Variants in CCDC171 observed in about 807,000 individuals in gnomAD.
The protein encoded by CCDC171 is coiled-coil domain-containing protein 171.
Under a neutral mutation model 168.2 loss-of-function variants are expected in CCDC171, and 177 were observed. That is an observed-to-expected ratio of 1.05 (90% confidence interval 0.93 to 1.19). The LOEUF is 1.19. Among genes scored for constraint, CCDC171 ranks in the 50% most tolerant of loss-of-function variants. The pLI, the probability that CCDC171 is intolerant of heterozygous loss-of-function variation, is 0.00. For synonymous variants in CCDC171, 687 were observed against 540.8 expected, an observed-to-expected ratio of 1.27 and a Z score of -3.75; for missense variants, 1,991 against 1,539.0, an observed-to-expected ratio of 1.29 and a Z score of -4.91.
intron 18 of CCDC171, among the ~76,000 whole-genome samples, chr9:15,754,757 C>G (rs1439201775): frequency 6.6e-6 from 1 of 152,078 alleles, no homozygotes; most frequent in Non-Finnish European, 1.5e-5. Context: ...TTACCTATCT[C>G]ATAGAGTTAT....
chr9:15,742,427 G>A (rs2054942829), intron 16 of CCDC171, among the ~76,000 whole-genome samples: 1 of 152,160 alleles, frequency 6.6e-6, no homozygotes, highest in Admixed American at 6.5e-5. Flanking sequence ...GCTGTTTTCT[G>A]CCTCTTCCTT....
At chr9:15,718,909 G>A (rs1588126760) in intron 11 of CCDC171, among the ~76,000 whole-genome samples, 2 of 152,134 alleles carry the variant, frequency 1.3e-5, no homozygotes, top group African/African-American at 2.4e-5. Flanking sequence ...TAACTAACTC[G>A]TCAATGCCCA....
intron 7 of CCDC171, among the ~76,000 whole-genome samples, chr9:15,641,040 G>A (rs1036455511): frequency 1.6e-4 from 25 of 151,952 alleles, no homozygotes; most frequent in African/African-American, 4.6e-4. Flanking sequence ...AATAAGCATC[G>A]TAGAATTAAT....
At chr9:15,858,679 A>AT (rs961854833) in intron 23 of CCDC171, among the ~76,000 whole-genome samples, 22 of 151,684 alleles carry the variant, frequency 1.5e-4, no homozygotes, top group South Asian at 6.2e-4. Flanking sequence ...TATAAGTGTG[A>AT]TTTTTTTTAG....
intron 3 of CCDC171, among the ~76,000 whole-genome samples, chr9:16,015,383 G>T (rs1832984048): frequency 6.6e-6 from 1 of 152,136 alleles, no homozygotes. Flanking sequence ...GACTGTTGTG[G>T]CTGGTTTAGT....
intron 6 of CCDC171, among the ~76,000 whole-genome samples, chr9:15,622,595 T>C (rs772881487): frequency 3.9e-5 from 6 of 152,230 alleles, no homozygotes; most frequent in Non-Finnish European, 8.8e-5. Context: ...GATTAGTTAC[T>C]GTGGAGAATG....
intron 6 of CCDC171, among the ~76,000 whole-genome samples, chr9:15,610,288 C>T (rs188085110): frequency 2.7e-5 from 4 of 150,142 alleles, no homozygotes; most frequent in Admixed American, 1.3e-4. Flanking sequence ...TGCAGTGGCT[C>T]GATCATGGCT....
At chr9:16,049,474 C>G (rs111809166) in intron 1 of CCDC171, among the ~76,000 whole-genome samples, 11 of 152,240 alleles carry the variant, frequency 7.2e-5, no homozygotes, top group African/African-American at 2.6e-4. Flanking sequence ...AGCCAGGAGC[C>G]TAAAGAGAAC....
intron 10 of CCDC171, among the ~76,000 whole-genome samples, chr9:15,691,739 A>C (rs2050812894): frequency 6.6e-6 from 1 of 151,992 alleles, no homozygotes; most frequent in African/African-American, 2.4e-5. Flanking sequence ...GTGCAGTGGC[A>C]CAATGATGCT....
intron 24 of CCDC171, among the ~76,000 whole-genome samples, chr9:15,881,728 T>A (rs891226848): frequency 6.6e-6 from 1 of 152,202 alleles, no homozygotes; most frequent in African/African-American, 2.4e-5. Context: ...GCAATATTTG[T>A]CTTTCTGTGC....
the CCDC171 span, among the ~76,000 whole-genome samples, chr9:16,081,353 G>A: frequency 6.6e-6 from 1 of 152,212 alleles, no homozygotes; most frequent in Non-Finnish European, 1.5e-5. Flanking sequence ...CAGGGCTTAA[G>A]ACAATCCATG....
intron 18 of CCDC171, among the ~76,000 whole-genome samples, chr9:15,772,421 C>T (rs2057062422): frequency 1.3e-5 from 2 of 152,168 alleles, no homozygotes; most frequent in South Asian, 4.2e-4. Context: ...TTGAAGCAAA[C>T]ATCTTACTAT....
chr9:15,827,252 A>T (rs564644807), intron 21 of CCDC171, among the ~76,000 whole-genome samples: 4 of 152,068 alleles, frequency 2.6e-5, no homozygotes, highest in Non-Finnish European at 5.9e-5. Flanking sequence ...ACAGTTTTGT[A>T]TGATTATGTG....
At chr9:15,620,264 T>C (rs1379496120) in intron 6 of CCDC171, among the ~76,000 whole-genome samples, 11 of 152,182 alleles carry the variant, frequency 7.2e-5, no homozygotes, top group Admixed American at 7.2e-4. Context: ...CTAGGCAAAT[T>C]AAATTGAAAA....
At chr9:15,975,755 A>T (rs942563143), downstream of CCDC171, among the ~76,000 whole-genome samples, 1 of 152,166 alleles carries the variant, frequency 6.6e-6, no homozygotes, top group Admixed American at 6.5e-5. Flanking sequence ...TTAAAAATAT[A>T]TTTTCTGGAC....
At chr9:15,722,791 CA>C (rs2053567715) in intron 12 of CCDC171, among the ~76,000 whole-genome samples, 1 of 152,046 alleles carries the variant, frequency 6.6e-6, no homozygotes, top group Non-Finnish European at 1.5e-5. Context: ...GGTAATTGTT[CA>C]AAAGGCATAA....
chr9:15,708,116 G>T (rs191019387), intron 11 of CCDC171, among the ~76,000 whole-genome samples: 1 of 152,086 alleles, frequency 6.6e-6, no homozygotes, highest in Admixed American at 6.5e-5. Flanking sequence ...CCAAAGTGTT[G>T]GGATTACAGG....
chr9:15,683,450 T>C (rs1269419177), intron 10 of CCDC171, among the ~76,000 whole-genome samples: 2 of 152,046 alleles, frequency 1.3e-5, no homozygotes, highest in Non-Finnish European at 2.9e-5. Context: ...CTAATAAATA[T>C]TCTATTCTGA....
chr9:15,854,657 T>G (rs2061278128), intron 23 of CCDC171, among the ~76,000 whole-genome samples: 1 of 151,796 alleles, frequency 6.6e-6, no homozygotes, highest in South Asian at 2.1e-4. Flanking sequence ...TGTCTCTCTC[T>G]TAACTGCTCC....
Sources: gnomAD v4.1 joint callset for allele counts (sites outside exome capture counted in the v4.1 genomes callset) on GRCh38, gnomAD v4.1.1 for gene constraint, MANE v1.5 for transcripts, NCBI Gene and HGNC (gene_info 2026-07-23, HGNC 2026-07-21) for gene names.